APP: variants seen among roughly 807,000 people sequenced by gnomAD.
APP encodes the protein amyloid-beta precursor protein.
Under a neutral mutation model 101.4 loss-of-function variants are expected in APP, and 31 were observed. That is an observed-to-expected ratio of 0.31 (90% CI 0.23 to 0.41). The LOEUF is 0.41. Among genes scored for constraint, APP ranks in the 10% least tolerant of loss-of-function variants. APP has a pLI of 1.00. For missense variants in APP, 839 were observed against 1,003.7 expected (o/e 0.84, Z 2.22); for synonymous variants, 366 against 364.4 (o/e 1.00, Z -0.05).
At chr21:25,998,571 G>GT (rs1169138471) in intron 7 of APP, among the ~76,000 whole-genome samples, 2 of 151,992 alleles carry the variant, frequency 1.3e-5, no homozygotes, top group African/African-American at 4.8e-5. Flanking sequence ...CCCTTCTGTT[G>GT]TTTTGCTTAA....
intron 5 of APP, among the ~76,000 whole-genome samples, chr21:26,031,763 A>G (rs2044838013): frequency 6.6e-6 from 1 of 152,192 alleles, no homozygotes; most frequent in Non-Finnish European, 1.5e-5. Flanking sequence ...TGATATTTGA[A>G]TGGAGACACA....
rs559136210 is a variant in APP at position 26,117,142 on chromosome 21, C to A, written c.58-4996G>T. On this transcript the variant is annotated intron_variant, in intron 1 of 17. Transcript: ENST00000346798. ...CAAGTGATCCTCCTGCCTCGGCCTCCCAAAATGTTGGGATTACAGGCATGA... is the reference window on the plus strand; with the variant it reads ...CAAGTGATCCTCCTGCCTCGGCCTCACAAAATGTTGGGATTACAGGCATGA... Among the ~76,000 whole-genome samples the A allele has an allele frequency of 5.3e-5, 8 of 152,302 alleles. No individual in the cohort carries two copies. In the South Asian group the frequency reaches 1.7e-3, roughly 32 times the overall value.
At chr21:26,084,227 ATTTTTTTTTTT>A (rs869179482) in intron 3 of APP, among the ~76,000 whole-genome samples, 4 of 83,062 alleles carry the variant, frequency 4.8e-5, no homozygotes, top group African/African-American at 1.0e-4. Flanking sequence ...GAAGGGCTCC[ATTTTTTTTTTT>A]TTTTTTTTTT....
At chr21:26,031,520 A>T (rs1420580802) in intron 5 of APP, among the ~76,000 whole-genome samples, 1 of 152,212 alleles carries the variant, frequency 6.6e-6, no homozygotes, top group Non-Finnish European at 1.5e-5. Context: ...CCTCAGAATC[A>T]TGGCGGGAGG....
intron 5 of APP, among the ~76,000 whole-genome samples, chr21:26,026,203 T>C (rs934540337): frequency 6.6e-6 from 1 of 152,192 alleles, no homozygotes; most frequent in Non-Finnish European, 1.5e-5. Context: ...GGCAACATAG[T>C]GGAACATTCA....
chr21:26,097,124 T>C (rs1230990168), intron 2 of APP, among the ~76,000 whole-genome samples: 1 of 152,222 alleles, frequency 6.6e-6, no homozygotes, highest in African/African-American at 2.4e-5. Flanking sequence ...AAGGCCCGGC[T>C]TGCATGCTAG....
chr21:25,893,660 C>G (rs943015940), intron 16 of APP, among the ~76,000 whole-genome samples: 4 of 152,066 alleles, frequency 2.6e-5, no homozygotes, highest in African/African-American at 7.2e-5. Flanking sequence ...GGTGAAGAAG[C>G]TGCAGAAGAA....
rs550993625 is a variant in APP at position 26,077,293 on chromosome 21, G to A, written c.355+12650C>T. 4.0e-5 allele frequency among the ~76,000 whole-genome samples: 6 copies of A among 151,598 alleles called. No homozygotes were observed. The South Asian group carries it at 8.3e-4, about 21-fold the overall frequency. ...AAATAACTATTCTCCTGATTTTTCC[G>A]CTGTAGGTCTTCCCACTATGGAACA... On this transcript the variant is annotated intron_variant, in intron 3 of 17. Transcript: ENST00000346798.
At chr21:26,136,164 G>GAAAAGAAAAGAAAAGA (rs756453136) in intron 1 of APP, among the ~76,000 whole-genome samples, 1 of 81,008 alleles carries the variant, frequency 1.2e-5, no homozygotes, top group African/African-American at 5.1e-5. Flanking sequence ...GAAAAGAAAA[G>GAAAAGAAAAGAAAAGA]AAAGAAAAGA....
chr21:25,979,188 CA>C (rs1568798960), intron 9 of APP, among the ~76,000 whole-genome samples: 3 of 152,008 alleles, frequency 2.0e-5, no homozygotes. Context: ...AACAACAAAC[CA>C]AAATATGAAA....
intron 15 of APP, among the ~76,000 whole-genome samples, chr21:25,898,218 TCTA>T (rs1047562513): frequency 2.4e-4 from 37 of 152,316 alleles, no homozygotes; most frequent in Non-Finnish European, 4.6e-4. Flanking sequence ...AGTCAAGTGT[TCTA>T]GTTACACAGA....
intron 1 of APP, among the ~76,000 whole-genome samples, chr21:26,154,986 T>G (rs1033536919): frequency 1.3e-4 from 20 of 152,208 alleles, no homozygotes; most frequent in African/African-American, 4.8e-4. Flanking sequence ...GTGCGGTGGC[T>G]CACAACTGTA....
At chr21:25,938,832 G>C (rs897878392) in intron 13 of APP, among the ~76,000 whole-genome samples, 1 of 152,128 alleles carries the variant, frequency 6.6e-6, no homozygotes, top group African/African-American at 2.4e-5. Flanking sequence ...TGGAAAGCTC[G>C]AGCTAGGACT....
At position 25,881,456 on chromosome 21, in the gene APP, G is replaced by T; in HGVS notation, c.*214C>A. 1 of 627,460 alleles carries T rather than the reference G, an allele frequency of 1.6e-6. No individual in the cohort carries two copies. The allele number at this position is 627,460 out of a possible 1,614,324, so 38.9% of individuals were successfully genotyped here. ...AAACCCATTAATAATGTAGTATAGA[G>T]ACCAAAATGTAAAGAGAGATAGAAT... On this transcript the variant is annotated 3_prime_UTR_variant, in exon 18 of 18. Transcript: ENST00000346798.
At chr21:26,026,821 G>C (rs1203291363) in intron 5 of APP, among the ~76,000 whole-genome samples, 1 of 152,216 alleles carries the variant, frequency 6.6e-6, no homozygotes, top group Admixed American at 6.5e-5. Context: ...ACAATGCTGA[G>C]AGAATGCTAA....
At position 25,911,796 on chromosome 21, in the gene APP, G is replaced by A. The variant is rs200539821; in HGVS notation, c.1854C>T (p.Leu618=). The A allele has an allele frequency of 3.7e-5, 60 of 1,614,014 alleles. No individual in the cohort carries two copies. Among genetic ancestry groups the A allele is most frequent in the Non-Finnish European group, 4.6e-5 (54 of 1,180,052 alleles). Residue 618 remains leucine (L), a synonymous_variant, in exon 14 of 18, where the codon CTC becomes CTT. Coordinates refer to ENST00000346798, the MANE Select transcript of APP (RefSeq NM_000484.4). ...CAGCCCCAAAAGAATGCCACGGCTG[G>A]AGATCGTCCAGGCTGAACTCTCCAT... The part of the protein sequence containing the change: ...PVNGEFSLDD[L]QPWHSFGADS...
At chr21:26,023,026 G>T (rs1042459067) in intron 5 of APP, among the ~76,000 whole-genome samples, 18 of 151,058 alleles carry the variant, frequency 1.2e-4, no homozygotes, top group African/African-American at 4.4e-4. Flanking sequence ...ATGCCCTGTG[G>T]TCAGGGATGC....
chr21:25,978,164 T>C (rs1285845473), intron 9 of APP, among the ~76,000 whole-genome samples: 2 of 152,224 alleles, frequency 1.3e-5, no homozygotes, highest in Non-Finnish European at 2.9e-5. Context: ...TAAGCATTAC[T>C]ATAGAAATTA....
intron 3 of APP, among the ~76,000 whole-genome samples, chr21:26,083,004 G>A (rs1352208642): frequency 1.3e-5 from 2 of 152,138 alleles, no homozygotes; most frequent in African/African-American, 4.8e-5. Flanking sequence ...GCCTTAAGTA[G>A]AAATTACAGG....
Sources: allele counts gnomAD v4.1 joint callset (sites outside exome capture counted in the v4.1 genomes callset), GRCh38; gene constraint gnomAD v4.1.1; transcripts MANE v1.5; gene names NCBI Gene and HGNC (gene_info 2026-07-23, HGNC 2026-07-21).